STX5: variants seen among roughly 807,000 people sequenced by gnomAD.
STX5 encodes syntaxin 5.
A neutral mutation model predicts 42.9 loss-of-function variants in STX5; 15 were observed. That is an observed-to-expected ratio of 0.35 (90% CI 0.23 to 0.54). The LOEUF (loss-of-function observed/expected upper bound fraction) is 0.54, where lower values mean the gene tolerates loss of function less well. Among genes scored for constraint, STX5 ranks in the 20% least tolerant of loss-of-function variants. The probability of loss-of-function intolerance (pLI) is 0.91; values close to 1 mark genes in which losing one functional copy is unlikely to be tolerated. For synonymous variants in STX5, 184 were observed against 173.2 expected (o/e 1.06, Z -0.49); for missense variants, 430 against 455.0 (o/e 0.95, Z 0.50).
intron 10 of STX5, among the ~76,000 whole-genome samples, chr11:62,821,380 A>G (rs1476760126): frequency 2.0e-5 from 3 of 152,114 alleles, no homozygotes; most frequent in African/African-American, 7.2e-5. Context: ...AATTTGTTGT[A>G]TCTATGTACT....
At chr11:62,822,219 C>T (rs1340761824) in intron 10 of STX5, among the ~76,000 whole-genome samples, 5 of 150,844 alleles carry the variant, frequency 3.3e-5, no homozygotes, top group African/African-American at 7.3e-5. Context: ...AAAAAGTAGC[C>T]GGGCATGGCG....
intron 10 of STX5, among the ~76,000 whole-genome samples, chr11:62,817,665 A>G (rs2084690347): frequency 6.6e-6 from 1 of 152,188 alleles, no homozygotes; most frequent in East Asian, 1.9e-4. Flanking sequence ...TAAGGCAGCT[A>G]TTATAACTGA....
rs1253482494 is a variant in STX5 at position 62,824,291 on chromosome 11, C to A, written c.787-4G>T. On this transcript the variant is annotated splice_region_variant and splice_polypyrimidine_tract_variant and intron_variant, in intron 9 of 10. Coordinates refer to ENST00000294179, the MANE Select transcript of STX5 (RefSeq NM_003164.5). ...CCCGACTCTGGATGTAGGAATCCTTCAGGAGAGGGAGAGAGCACATGAGCA... is the reference window on the plus strand; with the variant it reads ...CCCGACTCTGGATGTAGGAATCCTTAAGGAGAGGGAGAGAGCACATGAGCA... 1 of 1,614,082 alleles carries A rather than the reference C, an allele frequency of 6.2e-7. No homozygotes were observed. Among genetic ancestry groups the A allele is most frequent in the East Asian group, 2.2e-5 (1 of 44,906 alleles).
At chr11:62,822,043 A>G (rs554242453) in intron 10 of STX5, among the ~76,000 whole-genome samples, 1 of 151,026 alleles carries the variant, frequency 6.6e-6, no homozygotes, top group South Asian at 2.1e-4. Flanking sequence ...AAATAAATAA[A>G]TAAATACATG....
intron 10 of STX5, among the ~76,000 whole-genome samples, chr11:62,817,858 T>C (rs1372300025): frequency 6.6e-6 from 1 of 152,096 alleles, no homozygotes; most frequent in Middle Eastern, 3.2e-3. Flanking sequence ...ATATAAGACA[T>C]GTACCTGGAA....
chr11:62,807,494 A>C lies in STX5; in HGVS notation c.1043T>G (p.Ile348Ser). 4.3e-6 allele frequency: 7 copies of C among 1,614,092 alleles called. No individual in the cohort carries two copies. Among genetic ancestry groups the C allele is most frequent in the Non-Finnish European group, 5.9e-6 (7 of 1,180,014 alleles). ...KIFLILIVFF[I>S]IFVVFLA ...TCAAGCAAGGAAGACCACAAAGATG[A>C]TGAAGAAGACAATGAGGATGAGGAA... Residue 348 changes from isoleucine to serine, a missense_variant, in exon 11 of 11, where the codon ATC becomes AGC. Physicochemically the swap from Ile to Ser is moderately radical, Grantham distance 142. Coordinates refer to ENST00000294179, the MANE Select transcript of STX5 (RefSeq NM_003164.5).
chr11:62,807,992 A>G (rs2084571720), intron 10 of STX5: 1 of 222,062 alleles, frequency 4.5e-6, no homozygotes, highest in Non-Finnish European at 9.2e-6. Flanking sequence ...TTTCCTCATC[A>G]GTATTTACAT....
At chr11:62,825,856 G>A (rs1265539625) in intron 5 of STX5, among the ~76,000 whole-genome samples, 2 of 152,166 alleles carry the variant, frequency 1.3e-5, no homozygotes, top group East Asian at 3.9e-4. Context: ...CCCTTTCAAA[G>A]GCCAAAATCT....
intron 5 of STX5, among the ~76,000 whole-genome samples, chr11:62,826,343 A>C (rs1418098591): frequency 6.6e-6 from 1 of 151,936 alleles, no homozygotes; most frequent in Non-Finnish European, 1.5e-5. Context: ...GGATCACCTG[A>C]GGTCAGGAGT....
At chr11:62,829,110 G>A (rs2084827541) in intron 2 of STX5, among the ~76,000 whole-genome samples, 1 of 151,800 alleles carries the variant, frequency 6.6e-6, no homozygotes, top group African/African-American at 2.4e-5. Context: ...TGCTTACTCG[G>A]GTCCCACTGG....
intron 10 of STX5, among the ~76,000 whole-genome samples, chr11:62,811,226 T>A (rs1319302709): frequency 6.6e-6 from 1 of 152,180 alleles, no homozygotes. Flanking sequence ...GCCACTGTCC[T>A]AAGTCCTTAC....
At chr11:62,812,608 G>A (rs1385949886) in intron 10 of STX5, among the ~76,000 whole-genome samples, 3 of 151,470 alleles carry the variant, frequency 2.0e-5, no homozygotes, top group African/African-American at 4.8e-5. Context: ...TTTTTTAGTA[G>A]AGATGGGGTT....
rs1414015831 is a variant in STX5, at chr11:62,825,432, G to A, written c.531C>T (p.Val177=). Residue 177 remains valine (V), a synonymous_variant, in exon 6 of 11, where the codon GTC becomes GTT. Transcript: ENST00000294179. ...HLQTHSNTIV[V]SLQSKLASMS... ...CCTCCCCAGGTCCCACCTGCAAGGA[G>A]ACCACAATGGTGTTGGAGTGGGTCT... 1 of 1,614,144 alleles carries A rather than the reference G, an allele frequency of 6.2e-7. No homozygotes were observed. The highest frequency in any genetic ancestry group is 1.1e-5 in the South Asian group (1 of 91,076).
chr11:62,816,671 T>TA (rs1220015343), intron 10 of STX5, among the ~76,000 whole-genome samples: 1 of 149,040 alleles, frequency 6.7e-6, no homozygotes, highest in Admixed American at 6.7e-5. Context: ...GCAAAACTCT[T>TA]AGAGCTGTCC....
chr11:62,808,815 A>G (rs540418155), intron 10 of STX5, among the ~76,000 whole-genome samples: 38 of 152,338 alleles, frequency 2.5e-4, no homozygotes, highest in African/African-American at 8.9e-4. Context: ...TCAAGTGCCT[A>G]CTAATGTAAT....
At chr11:62,827,434 C>A in intron 3 of STX5, 36 bp from the exon 4 acceptor site, 1 of 1,613,918 alleles carries the variant, frequency 6.2e-7, no homozygotes, top group South Asian at 1.1e-5. Flanking sequence ...TGGGAAAGGG[C>A]AGGACGCCTT....
chr11:62,829,726 T>C (rs11231240), intron 2 of STX5, among the ~76,000 whole-genome samples: 10,434 of 151,738 alleles, frequency 0.069, 391 homozygotes, highest in East Asian at 0.15. Context: ...GATAGAACCA[T>C]TGTACTCCAG....
intron 10 of STX5, among the ~76,000 whole-genome samples, chr11:62,811,484 C>A (rs1391807002): frequency 2.0e-5 from 3 of 152,188 alleles, no homozygotes; most frequent in South Asian, 4.1e-4. Flanking sequence ...TAATTCTGCA[C>A]TCCTGTATCT....
At chr11:62,811,252 C>T (rs2084613670) in intron 10 of STX5, among the ~76,000 whole-genome samples, 2 of 152,212 alleles carry the variant, frequency 1.3e-5, no homozygotes, top group African/African-American at 2.4e-5. Context: ...GCACTGCCTT[C>T]TCTTCCAAAC....
Sources: allele counts gnomAD v4.1 joint callset (sites outside exome capture counted in the v4.1 genomes callset), GRCh38; gene constraint gnomAD v4.1.1; transcripts MANE v1.5; gene names NCBI Gene and HGNC (gene_info 2026-07-23, HGNC 2026-07-21).